Variants in FSTL4 observed in about 807,000 individuals in gnomAD.
FSTL4 encodes follistatin like 4.
FSTL4 carries 28 observed loss-of-function variants against 78.2 expected under a neutral mutation model. The ratio of observed to expected loss-of-function variants is 0.36; its 90% CI spans 0.27 to 0.49. The LOEUF (loss-of-function observed/expected upper bound fraction) is 0.49, where lower values mean the gene tolerates loss of function less well. Ranked by LOEUF, FSTL4 falls within the 20% of genes least tolerant of loss-of-function variation. The probability of loss-of-function intolerance (pLI) is 0.98; values close to 1 mark genes in which losing one functional copy is unlikely to be tolerated. For synonymous variants in FSTL4, 422 were observed against 440.5 expected, an observed-to-expected ratio of 0.96 and a Z score of 0.53; for missense variants, 922 against 1,084.9, an observed-to-expected ratio of 0.85 and a Z score of 2.11.
intron 2 of FSTL4, among the ~76,000 whole-genome samples, chr5:133,571,508 T>A (rs557110269): frequency 6.6e-6 from 1 of 152,206 alleles, no homozygotes; most frequent in African/African-American, 2.4e-5. Flanking sequence ...AGAATAACTA[T>A]GGCTAATATG....
At chr5:133,428,026 T>C (rs1756863751) in intron 3 of FSTL4, among the ~76,000 whole-genome samples, 1 of 152,238 alleles carries the variant, frequency 6.6e-6, no homozygotes, top group Non-Finnish European at 1.5e-5. Context: ...TATCAACTTG[T>C]GTGAGTTGGG....
chr5:133,786,387 T>C, the FSTL4 span, among the ~76,000 whole-genome samples: 2 of 152,252 alleles, frequency 1.3e-5, no homozygotes. Flanking sequence ...ATGCCCCTTA[T>C]GCACTTTTCA....
the FSTL4 span, among the ~76,000 whole-genome samples, chr5:133,676,870 AGTCTTTTGAT>A: frequency 2.0e-5 from 3 of 152,190 alleles, no homozygotes; most frequent in Admixed American, 2.0e-4. Context: ...TATTCTGTTG[AGTCTTTTGAT>A]GTTAATAGTT....
chr5:133,447,957 A>T (rs1313155745), intron 3 of FSTL4, among the ~76,000 whole-genome samples: 1 of 152,014 alleles, frequency 6.6e-6, no homozygotes, highest in African/African-American at 2.4e-5. Context: ...CTTGGAACAG[A>T]TGGCAAGATT....
At chr5:133,277,006 T>A (rs1752897726) in intron 6 of FSTL4, among the ~76,000 whole-genome samples, 1 of 152,116 alleles carries the variant, frequency 6.6e-6, no homozygotes, top group Admixed American at 6.6e-5. Context: ...AATTACTCTG[T>A]GATATTAGAA....
chr5:133,624,255 T>A, the FSTL4 span, among the ~76,000 whole-genome samples: 1 of 152,008 alleles, frequency 6.6e-6, no homozygotes, highest in African/African-American at 2.4e-5. Flanking sequence ...TACAATGGAA[T>A]ATTATTTAGC....
chr5:133,214,858 G>T (rs146934906), intron 13 of FSTL4, among the ~76,000 whole-genome samples: 64 of 152,326 alleles, frequency 4.2e-4, no homozygotes, highest in African/African-American at 1.4e-3. Flanking sequence ...AGCATATAGT[G>T]CTGTAATGTC....
At chr5:133,550,403 T>C (rs929690847) in intron 3 of FSTL4, among the ~76,000 whole-genome samples, 5 of 152,122 alleles carry the variant, frequency 3.3e-5, no homozygotes, top group African/African-American at 1.2e-4. Flanking sequence ...CCCAATGCAT[T>C]TCAGTAAGTA....
chr5:133,457,136 A>G (rs1046324780), intron 3 of FSTL4, among the ~76,000 whole-genome samples: 1 of 152,354 alleles, frequency 6.6e-6, no homozygotes, highest in Middle Eastern at 3.4e-3. Context: ...AGAAGAAGAA[A>G]AAAAGAAAGC....
chr5:133,407,028 T>C (rs1280459700), intron 3 of FSTL4, among the ~76,000 whole-genome samples: 1 of 152,236 alleles, frequency 6.6e-6, no homozygotes, highest in Non-Finnish European at 1.5e-5. Flanking sequence ...CTGGAGGATC[T>C]AGATGTCCAT....
At chr5:133,436,059 C>CA (rs1422838019) in intron 3 of FSTL4, among the ~76,000 whole-genome samples, 15 of 151,972 alleles carry the variant, frequency 9.9e-5, no homozygotes, top group African/African-American at 3.4e-4. Flanking sequence ...GTGGTAATCA[C>CA]AAAAAAATAC....
intron 3 of FSTL4, among the ~76,000 whole-genome samples, chr5:133,536,917 G>A (rs551766824): frequency 4.6e-4 from 70 of 152,234 alleles, no homozygotes; most frequent in Non-Finnish European, 8.4e-4. Flanking sequence ...TATGAACAGA[G>A]GTGCTAGAAC....
At chr5:133,642,165 G>C in the FSTL4 span, among the ~76,000 whole-genome samples, 1 of 152,146 alleles carries the variant, frequency 6.6e-6, no homozygotes, top group Non-Finnish European at 1.5e-5. Flanking sequence ...GGATCAGAGA[G>C]GGGCAGGGTT....
At chr5:133,243,594 G>A (rs1180402060) in intron 7 of FSTL4, among the ~76,000 whole-genome samples, 1 of 152,380 alleles carries the variant, frequency 6.6e-6, no homozygotes, top group African/African-American at 2.4e-5. Flanking sequence ...AACCCAGAGA[G>A]CTCTGGGCCA....
At chr5:133,232,348 C>T (rs1171031730) in intron 8 of FSTL4, among the ~76,000 whole-genome samples, 2 of 152,218 alleles carry the variant, frequency 1.3e-5, no homozygotes, top group African/African-American at 2.4e-5. Context: ...CCACTGCTGG[C>T]AGTGTGGCAG....
the FSTL4 span, among the ~76,000 whole-genome samples, chr5:133,733,683 C>T: frequency 0.011 from 1,634 of 152,330 alleles, 37 homozygotes; most frequent in African/African-American, 0.037. Context: ...TCTATCACTG[C>T]ATGACAAATT....
chr5:133,427,569 C>T (rs780519791), intron 3 of FSTL4: 5 of 500,858 alleles, frequency 1.0e-5, no homozygotes, highest in African/African-American at 2.0e-5. Context: ...AATTAGTGCA[C>T]GCAATGGCGG....
In FSTL4 at chr5:133,498,998, TAC is replaced by T. The variant is rs142906885; in HGVS notation, c.160+68186_160+68187del. 7.5e-3 allele frequency among the ~76,000 whole-genome samples: 1,104 copies of T among 146,894 alleles called. 5 individuals are homozygous for T. Among genetic ancestry groups the T allele is most frequent in the East Asian group, 0.014 (68 of 4,916 alleles). ...CACCATGTTTTCATCAGCAACAAATTACACACACACACACACACACACACACA... is the reference window on the plus strand; with the variant it reads ...CACCATGTTTTCATCAGCAACAAATTACACACACACACACACACACACACA... On this transcript the variant is annotated intron_variant, in intron 3 of 15. Coordinates refer to ENST00000265342, the MANE Select transcript of FSTL4 (RefSeq NM_015082.2).
chr5:133,541,735 T>C (rs2112919642), intron 3 of FSTL4, among the ~76,000 whole-genome samples: 1 of 152,290 alleles, frequency 6.6e-6, no homozygotes, highest in Middle Eastern at 3.4e-3. Flanking sequence ...CATGATGTTT[T>C]GAGCGCTGCT....
Sources: gnomAD v4.1 joint callset for allele counts (sites outside exome capture counted in the v4.1 genomes callset) on GRCh38, gnomAD v4.1.1 for gene constraint, MANE v1.5 for transcripts, NCBI Gene and HGNC (gene_info 2026-07-23, HGNC 2026-07-21) for gene names.